The following CSMD1 variants were observed in gnomAD, a reference collection of about 807,000 sequenced individuals.
CSMD1 encodes CUB and sushi domain-containing protein 1.
In CSMD1, 213 loss-of-function variants were observed where a neutral mutation model predicts 417.5. That is an observed-to-expected ratio of 0.51 (90% CI 0.46 to 0.57). The LOEUF is 0.57. Ranked by LOEUF, CSMD1 falls within the 20% of genes least tolerant of loss-of-function variation. The pLI is 0.00. For missense variants in CSMD1, 6,923 were observed against 4,529.7 expected (o/e 1.53, Z -15.17); for synonymous variants, 2,862 against 1,736.8 (o/e 1.65, Z -16.11).
intron 8 of CSMD1, chr8:3,613,282 G>C (rs770108159): frequency 2.1e-5 from 9 of 420,846 alleles, no homozygotes; most frequent in African/African-American, 1.5e-4. Flanking sequence ...AAACCTACTT[G>C]TAAGAAAATT....
At chr8:3,329,270 A>G (rs1320634264) in intron 23 of CSMD1, among the ~76,000 whole-genome samples, 2 of 152,096 alleles carry the variant, frequency 1.3e-5, no homozygotes, top group African/African-American at 2.4e-5. Flanking sequence ...ACCCTATAAG[A>G]CACATTTCCA....
At chr8:4,067,972 G>A (rs1799340092) in intron 3 of CSMD1, among the ~76,000 whole-genome samples, 1 of 152,086 alleles carries the variant, frequency 6.6e-6, no homozygotes, top group South Asian at 2.1e-4. Context: ...AGCTACTTGG[G>A]AGGCTGAGAA....
chr8:4,384,562 C>A (rs1309440694), intron 3 of CSMD1, among the ~76,000 whole-genome samples: 2 of 152,194 alleles, frequency 1.3e-5, no homozygotes, highest in Admixed American at 1.3e-4. Context: ...TGTATCAGTG[C>A]TGTAAGCAAT....
At chr8:4,371,805 G>T (rs974192598) in intron 3 of CSMD1, among the ~76,000 whole-genome samples, 1 of 152,160 alleles carries the variant, frequency 6.6e-6, no homozygotes, top group African/African-American at 2.4e-5. Flanking sequence ...TTGTTGGACT[G>T]CCAAGCAATT....
At chr8:4,148,849 G>A (rs58582366) in intron 3 of CSMD1, among the ~76,000 whole-genome samples, 18,484 of 152,160 alleles carry the variant, frequency 0.12, 1,942 homozygotes, top group African/African-American at 0.26. Flanking sequence ...CTTGTGTCCT[G>A]GGAAAGATGG....
intron 1 of CSMD1, among the ~76,000 whole-genome samples, chr8:4,751,776 G>C (rs531976629): frequency 6.6e-6 from 1 of 152,156 alleles, no homozygotes; most frequent in Non-Finnish European, 1.5e-5. Flanking sequence ...GGACCTCTGC[G>C]TTTGCATTCT....
At chr8:3,282,077 G>C (rs1802782971) in intron 26 of CSMD1, among the ~76,000 whole-genome samples, 1 of 152,164 alleles carries the variant, frequency 6.6e-6, no homozygotes, top group Non-Finnish European at 1.5e-5. Context: ...AGCCTGCTGA[G>C]TTGTGACTCA....
At chr8:4,642,396 T>C (rs1803249730) in intron 1 of CSMD1, among the ~76,000 whole-genome samples, 1 of 152,118 alleles carries the variant, frequency 6.6e-6, no homozygotes, top group Non-Finnish European at 1.5e-5. Flanking sequence ...CCCCCTACAG[T>C]TGGTTGGCTC....
intron 10 of CSMD1, among the ~76,000 whole-genome samples, chr8:3,525,296 T>A (rs1469619468): frequency 6.6e-6 from 1 of 152,016 alleles, no homozygotes; most frequent in African/African-American, 2.4e-5. Flanking sequence ...ACAGACCAGG[T>A]TAAAAAGGAA....
Position 3,106,593 on chromosome 8 carries a change from G to A in CSMD1, c.6884C>T (p.Thr2295Ile). 1 of 1,613,758 alleles carries A rather than the reference G, an allele frequency of 6.2e-7. No homozygotes were observed. The highest frequency in any genetic ancestry group is 8.5e-7 in the Non-Finnish European group (1 of 1,179,798). ...ACTGAGCTTGCAAGTCAGAATGTCG[G>A]TCCCCACCAAGGTGTACCCGGGGTG... ...QCHPGYTLVG[T>I]DILTCKLSSQ... is the part of the protein sequence containing the mutation. Residue 2295 changes from threonine to isoleucine, a missense_variant, in exon 46 of 70, where the codon ACC becomes ATC. Coordinates refer to ENST00000635120, the MANE Select transcript of CSMD1 (RefSeq NM_033225.6).
At chr8:4,948,255 C>T (rs888824219) in intron 1 of CSMD1, among the ~76,000 whole-genome samples, 1 of 151,850 alleles carries the variant, frequency 6.6e-6, no homozygotes, top group African/African-American at 2.4e-5. Context: ...AATTTTTTAT[C>T]GTCTTTACCA....
chr8:3,056,135 C>A (rs1224007494), intron 49 of CSMD1, among the ~76,000 whole-genome samples: 1 of 152,182 alleles, frequency 6.6e-6, no homozygotes, highest in African/African-American at 2.4e-5. Flanking sequence ...TCTCTGTTAT[C>A]TACTTATTAA....
At chr8:4,616,655 G>C (rs576235271) in intron 2 of CSMD1, among the ~76,000 whole-genome samples, 5 of 152,310 alleles carry the variant, frequency 3.3e-5, no homozygotes, top group African/African-American at 1.2e-4. Context: ...GCCAACGCTT[G>C]AGAAAGAGCC....
At chr8:4,436,366 A>G (rs570587025) in intron 2 of CSMD1, among the ~76,000 whole-genome samples, 1 of 152,240 alleles carries the variant, frequency 6.6e-6, no homozygotes, top group Admixed American at 6.5e-5. Context: ...TAATTGCCTG[A>G]TTTATACATC....
chr8:4,319,889 G>C (rs181149962), intron 3 of CSMD1, among the ~76,000 whole-genome samples: 44 of 152,270 alleles, frequency 2.9e-4, no homozygotes, highest in African/African-American at 9.1e-4. Context: ...GCTGAGCTCA[G>C]GCTACAGAAA....
intron 3 of CSMD1, among the ~76,000 whole-genome samples, chr8:4,050,427 TG>T (rs1798365691): frequency 2.0e-5 from 3 of 152,168 alleles, no homozygotes; most frequent in Admixed American, 2.0e-4. Context: ...TTTTGTTTTT[TG>T]CATATATACA....
intron 2 of CSMD1, among the ~76,000 whole-genome samples, chr8:4,587,157 C>T (rs879367540): frequency 2.0e-5 from 3 of 152,240 alleles, no homozygotes; most frequent in East Asian, 1.9e-4. Context: ...TTCTGCCCAT[C>T]GTGAGCCAAC....
At chr8:4,465,364 A>G (rs1057061896) in intron 2 of CSMD1, among the ~76,000 whole-genome samples, 5 of 152,162 alleles carry the variant, frequency 3.3e-5, no homozygotes, top group East Asian at 3.9e-4. Flanking sequence ...CATGTCTACT[A>G]AAGATAAATG....
At chr8:3,936,203 T>A (rs1810478887) in intron 5 of CSMD1, among the ~76,000 whole-genome samples, 1 of 148,288 alleles carries the variant, frequency 6.7e-6, no homozygotes. Context: ...AAAAAAGCCA[T>A]CTGCGTAACA....
Sources: allele counts gnomAD v4.1 joint callset (sites outside exome capture counted in the v4.1 genomes callset), GRCh38; gene constraint gnomAD v4.1.1; transcripts MANE v1.5; gene names NCBI Gene and HGNC (gene_info 2026-07-23, HGNC 2026-07-21).